VAV3: variants seen among roughly 807,000 people sequenced by gnomAD.
VAV3 encodes guanine nucleotide exchange factor VAV3.
In VAV3, 94 loss-of-function variants were observed where a neutral mutation model predicts 131.2. The observed-to-expected ratio is 0.72, with a 90% CI of 0.61 to 0.85. The LOEUF (loss-of-function observed/expected upper bound fraction) is 0.85. VAV3 is among the 40% of genes least tolerant of loss of function. The pLI, the probability that VAV3 is intolerant of heterozygous loss-of-function variation, is 0.00. For synonymous variants in VAV3, 349 were observed against 342.0 expected, an observed-to-expected ratio of 1.02 and a Z score of -0.22; for missense variants, 939 against 1,002.7, an observed-to-expected ratio of 0.94 and a Z score of 0.86.
intron 2 of VAV3, among the ~76,000 whole-genome samples, chr1:107,830,300 T>C (rs1668197897): frequency 6.6e-6 from 1 of 151,906 alleles, no homozygotes; most frequent in Non-Finnish European, 1.5e-5. Context: ...GTTCCTGGCC[T>C]CAAGAGATCC....
chr1:107,663,420 C>A (rs1557743491), intron 19 of VAV3, among the ~76,000 whole-genome samples: 1 of 152,076 alleles, frequency 6.6e-6, no homozygotes, highest in Non-Finnish European at 1.5e-5. Flanking sequence ...TTGAAAATAT[C>A]TCTGGGTCTT....
At chr1:107,738,613 C>A (rs1662824327) in intron 15 of VAV3, among the ~76,000 whole-genome samples, 2 of 152,174 alleles carry the variant, frequency 1.3e-5, no homozygotes, top group African/African-American at 4.8e-5. Flanking sequence ...CAAGGATTGC[C>A]AGTTTCCAAT....
chr1:107,669,643 A>C (rs1657642339), intron 19 of VAV3, among the ~76,000 whole-genome samples: 1 of 152,074 alleles, frequency 6.6e-6, no homozygotes, highest in South Asian at 2.1e-4. Context: ...ATGATTGTTT[A>C]AATTGGTGTT....
rs1675367668 is a variant in VAV3 at position 107,965,069 on chromosome 1, G to T, written c.-200C>A. On this transcript the variant is annotated 5_prime_UTR_variant, in exon 1 of 27. Transcript: ENST00000370056. ...TCGGCTCCGGTCCCGGCCCGGGTGCGCCGCGACCCGGCCGCCGCTGCAGCG... is the reference window on the plus strand; with the variant it reads ...TCGGCTCCGGTCCCGGCCCGGGTGCTCCGCGACCCGGCCGCCGCTGCAGCG... The T allele has an allele frequency of 5.3e-6, 1 of 188,038 alleles. No homozygotes were observed. Among genetic ancestry groups the T allele is most frequent in the Non-Finnish European group, 9.8e-6 (1 of 102,518 alleles). 11.6% of individuals were successfully genotyped at this position (188,038 alleles called of 1,614,324 possible). A position where few individuals can be genotyped will look rare whatever the true frequency, so the allele number is the denominator to read the frequency against.
intron 1 of VAV3, among the ~76,000 whole-genome samples, chr1:107,889,490 G>C (rs1229824564): frequency 2.6e-5 from 4 of 152,044 alleles, no homozygotes; most frequent in African/African-American, 4.8e-5. Context: ...AACAGGGCTT[G>C]ATCCAGGACC....
chr1:107,872,991 C>T (rs1035281580), intron 2 of VAV3, among the ~76,000 whole-genome samples: 3 of 152,098 alleles, frequency 2.0e-5, no homozygotes, highest in Non-Finnish European at 2.9e-5. Context: ...CTTTAACTTT[C>T]AGTGTTTTCT....
At chr1:107,664,606 C>T (rs1657277518) in intron 19 of VAV3, among the ~76,000 whole-genome samples, 1 of 152,032 alleles carries the variant, frequency 6.6e-6, no homozygotes. Flanking sequence ...TGATCACCTG[C>T]TATGTTCCAG....
At chr1:107,758,636 T>G (rs1303625871) in intron 10 of VAV3, among the ~76,000 whole-genome samples, 1 of 152,112 alleles carries the variant, frequency 6.6e-6, no homozygotes, top group Admixed American at 6.6e-5. Context: ...CTCTCCTCAC[T>G]ACAGTCCAGT....
At chr1:107,695,950 T>C (rs1210785878) in intron 17 of VAV3, among the ~76,000 whole-genome samples, 1 of 152,204 alleles carries the variant, frequency 6.6e-6, no homozygotes, top group Non-Finnish European at 1.5e-5. Flanking sequence ...CTTCTCCATT[T>C]GACTATCCCT....
chr1:107,889,119 T>C (rs1671185768), intron 1 of VAV3, among the ~76,000 whole-genome samples: 1 of 140,238 alleles, frequency 7.1e-6, no homozygotes. Flanking sequence ...TTGTTCCAAG[T>C]TCTCCTGTGT....
chr1:107,904,723 A>C (rs1340332812), intron 1 of VAV3, among the ~76,000 whole-genome samples: 1 of 152,252 alleles, frequency 6.6e-6, no homozygotes, highest in Non-Finnish European at 1.5e-5. Context: ...GATATAGATC[A>C]GTAAACTAAA....
chr1:107,608,138 A>G (rs1652437806), intron 22 of VAV3, among the ~76,000 whole-genome samples: 2 of 139,600 alleles, frequency 1.4e-5, no homozygotes, highest in Admixed American at 7.2e-5. Context: ...TCTTGCTTTT[A>G]TAAGAATAAT....
At chr1:107,826,939 T>C (rs1362499578) in intron 2 of VAV3, among the ~76,000 whole-genome samples, 2 of 152,114 alleles carry the variant, frequency 1.3e-5, no homozygotes, top group Admixed American at 1.3e-4. Context: ...TTTTTTATAT[T>C]AAAAAGATAA....
chr1:107,582,199 T>G (rs894902840), intron 25 of VAV3, among the ~76,000 whole-genome samples: 2 of 152,182 alleles, frequency 1.3e-5, no homozygotes, highest in African/African-American at 4.8e-5. Flanking sequence ...TTGCCAAGAT[T>G]GTCTACAGAT....
chr1:107,914,993 G>A (rs968433397), intron 1 of VAV3, among the ~76,000 whole-genome samples: 6 of 152,154 alleles, frequency 3.9e-5, no homozygotes, highest in Non-Finnish European at 8.8e-5. Flanking sequence ...AAAAGTTTGT[G>A]GAAGGCATTA....
At chr1:107,692,411 A>C (rs1659485132) in intron 17 of VAV3, among the ~76,000 whole-genome samples, 2 of 152,172 alleles carry the variant, frequency 1.3e-5, no homozygotes, top group South Asian at 4.1e-4. Context: ...AATAGATGGA[A>C]GGAATAATAA....
chr1:107,749,066 G>A lies in VAV3; in HGVS notation c.1404C>T (p.Gly468=). 1.3e-6 allele frequency: 2 copies of A among 1,597,364 alleles called. No individual in the cohort carries two copies. The highest frequency in any genetic ancestry group is 1.7e-6 in the Non-Finnish European group (2 of 1,170,704). The change falls in exon 15 of 27, where the codon GGC becomes GGT. Residue 468 remains glycine, a synonymous_variant. Coordinates refer to ENST00000370056, the MANE Select transcript of VAV3 (RefSeq NM_006113.5). ...TDKENKKWSY[G]FYLIHTQGQN... Reference sequence around the variant, plus strand: ...GTCCTTGGGTATGGATGAGGTAGAAGCCATAAGACCACTGTTAAAATTAAT... The same window carrying A: ...GTCCTTGGGTATGGATGAGGTAGAAACCATAAGACCACTGTTAAAATTAAT...
intron 2 of VAV3, among the ~76,000 whole-genome samples, chr1:107,872,465 A>G (rs182376699): frequency 5.3e-5 from 8 of 152,284 alleles, no homozygotes; most frequent in Admixed American, 6.5e-5. Context: ...ATTAAATCCT[A>G]CGGAATGGAG....
chr1:107,843,544 T>C (rs1668824428), intron 2 of VAV3, among the ~76,000 whole-genome samples: 1 of 148,556 alleles, frequency 6.7e-6, no homozygotes, highest in Non-Finnish European at 1.5e-5. Context: ...TGTGTATATA[T>C]ATATATTTAT....
Sources: gnomAD v4.1 joint callset for allele counts (sites outside exome capture counted in the v4.1 genomes callset) on GRCh38, gnomAD v4.1.1 for gene constraint, MANE v1.5 for transcripts, NCBI Gene and HGNC (gene_info 2026-07-23, HGNC 2026-07-21) for gene names.